Variants in ASXL2 observed in about 807,000 individuals in gnomAD.
ASXL2 encodes the protein putative Polycomb group protein ASXL2.
Under a neutral mutation model 122.0 loss-of-function variants are expected in ASXL2, and 23 were observed. That is an observed-to-expected ratio of 0.19 (90% confidence interval 0.14 to 0.27). ASXL2 has a LOEUF of 0.27. Among genes scored for constraint, ASXL2 ranks in the 10% least tolerant of loss-of-function variants. The pLI, the probability that ASXL2 is intolerant of heterozygous loss-of-function variation, is 1.00. For synonymous variants in ASXL2, 650 were observed against 637.0 expected (o/e 1.02, Z -0.31); for missense variants, 1,518 against 1,713.8 (o/e 0.89, Z 2.02).
Position 25,768,811 on chromosome 2 carries a change from T to C in ASXL2, c.562A>G (p.Ile188Val). Residue 188 changes from isoleucine to valine, a missense_variant, in exon 7 of 13, where the codon ATC becomes GTC. Coordinates refer to ENST00000435504, the MANE Select transcript of ASXL2 (RefSeq NM_018263.6). ...AGTGAGAGATGCTGGTTGGAGGAGA[T>C]GGATATGCTTGGCCTGCATTGCTGC... ...QQQQCRPSIS[I>V]SSNQHLSLKT... The C allele has an allele frequency of 3.7e-6, 6 of 1,613,882 alleles. No individual in the cohort carries two copies. The highest frequency in any genetic ancestry group is 4.2e-6 in the Non-Finnish European group (5 of 1,179,794).
intron 3 of ASXL2, chr2:25,810,068 GTCTCT>G: frequency 1.8e-6 from 1 of 552,618 alleles, no homozygotes; most frequent in Non-Finnish European, 3.6e-6. Flanking sequence ...CTCAGCACAG[GTCTCT>G]ACCTCCTTGA....
At chr2:25,849,921 T>C (rs946307586) in intron 1 of ASXL2, among the ~76,000 whole-genome samples, 4 of 152,162 alleles carry the variant, frequency 2.6e-5, no homozygotes, top group African/African-American at 9.7e-5. Context: ...GAAAGAAAAA[T>C]GTTTTTCAAT....
intron 8 of ASXL2, among the ~76,000 whole-genome samples, chr2:25,763,749 G>A (rs887117530): frequency 6.6e-5 from 10 of 152,144 alleles, no homozygotes; most frequent in Non-Finnish European, 1.5e-5. Context: ...TATGAAGTAG[G>A]TAACTATTAT....
chr2:25,797,652 T>C (rs570739731), intron 5 of ASXL2, among the ~76,000 whole-genome samples: 11 of 152,242 alleles, frequency 7.2e-5, no homozygotes, highest in African/African-American at 2.6e-4. Context: ...CCACAACATA[T>C]GTCATTAGGG....
chr2:25,801,304 A>C (rs925827220), intron 4 of ASXL2, among the ~76,000 whole-genome samples: 1 of 152,158 alleles, frequency 6.6e-6, no homozygotes, highest in Admixed American at 6.5e-5. Flanking sequence ...ATTTTCCCAC[A>C]TCGTTTTAAC....
intron 3 of ASXL2, chr2:25,822,478 G>C (rs2089324010): frequency 2.1e-6 from 1 of 477,206 alleles, no homozygotes; most frequent in Admixed American, 2.9e-5. Context: ...AATGCAGCCT[G>C]CTTCTGCAAA....
chr2:25,757,474 T>TA (rs533398416), intron 9 of ASXL2, among the ~76,000 whole-genome samples: 3,660 of 98,042 alleles, frequency 0.037, 63 homozygotes, highest in East Asian at 0.12. Flanking sequence ...CCGTCTCTAC[T>TA]AAAAAAAAAA....
intron 3 of ASXL2, chr2:25,809,979 C>T: frequency 3.8e-6 from 2 of 529,164 alleles, no homozygotes; most frequent in East Asian, 5.1e-5. Flanking sequence ...GTACAGAGTG[C>T]CCCTCTTTGG....
chr2:25,803,853 A>T (rs1377451961), intron 4 of ASXL2, among the ~76,000 whole-genome samples: 12 of 152,186 alleles, frequency 7.9e-5, no homozygotes, highest in Admixed American at 6.5e-4. Context: ...CACAGACTGG[A>T]ACTCTAATTG....
At chr2:25,799,661 AACCAG>A in intron 4 of ASXL2, 126 bp from the exon 5 acceptor site, 1 of 1,110,904 alleles carries the variant, frequency 9.0e-7, no homozygotes, top group South Asian at 1.6e-5. Flanking sequence ...TCAGTAGCAG[AACCAG>A]CAATATTTTC....
chr2:25,875,866 C>G (rs2090006033), intron 1 of ASXL2, among the ~76,000 whole-genome samples: 1 of 152,224 alleles, frequency 6.6e-6, no homozygotes, highest in East Asian at 1.9e-4. Flanking sequence ...TTATTTAGGT[C>G]AAAGTTACTT....
chr2:25,871,711 C>T (rs2089963419), intron 1 of ASXL2, among the ~76,000 whole-genome samples: 1 of 152,208 alleles, frequency 6.6e-6, no homozygotes, highest in Non-Finnish European at 1.5e-5. Context: ...CCTGCCTCAG[C>T]CTCCTGAGTA....
intron 2 of ASXL2, among the ~76,000 whole-genome samples, chr2:25,839,614 C>T (rs73922468): frequency 5.6e-5 from 6 of 106,954 alleles, no homozygotes; most frequent in South Asian, 6.7e-4. Flanking sequence ...GAAATTCTAT[C>T]TTTTTTTTTT....
At chr2:25,864,400 C>T (rs2089875351) in intron 1 of ASXL2, among the ~76,000 whole-genome samples, 3 of 151,926 alleles carry the variant, frequency 2.0e-5, no homozygotes, top group Non-Finnish European at 2.9e-5. Context: ...AATCCAGTTT[C>T]GCAAACTACA....
intron 3 of ASXL2, among the ~76,000 whole-genome samples, chr2:25,825,782 T>TAAGTATA (rs1363153671): frequency 1.3e-5 from 2 of 152,240 alleles, no homozygotes; most frequent in African/African-American, 4.8e-5. Flanking sequence ...GTCTCTGCTT[T>TAAGTATA]CGATTCTTTT....
chr2:25,772,713 G>A (rs1184069392), intron 5 of ASXL2, among the ~76,000 whole-genome samples: 10 of 88,252 alleles, frequency 1.1e-4, no homozygotes, highest in African/African-American at 4.1e-4. Flanking sequence ...TGGGCAACAA[G>A]AGCGAAACTT....
chr2:25,806,252 T>G lies in ASXL2; in HGVS notation c.229A>C (p.Arg77=). The change falls in exon 4 of 13, where the codon AGA becomes CGA. Residue 77 remains arginine, a synonymous_variant. Coordinates refer to ENST00000435504, the MANE Select transcript of ASXL2 (RefSeq NM_018263.6). The part of the protein sequence containing the change: ...EEGIFYKVPG[R]MGVYTLKKDV... ...ACCTTCAAAGTATATACTCCCATTC[T>G]ACCTGGAACCTTATAGAAGATGCCC... The G allele has an allele frequency of 6.2e-7, 1 of 1,612,102 alleles. No homozygotes were observed. Among genetic ancestry groups the G allele is most frequent in the East Asian group, 2.2e-5 (1 of 44,846 alleles).
intron 3 of ASXL2, among the ~76,000 whole-genome samples, chr2:25,823,279 A>G (rs753880432): frequency 6.6e-6 from 1 of 152,192 alleles, no homozygotes; most frequent in Admixed American, 6.5e-5. Context: ...CCTTTTCTTC[A>G]TAACATAGAT....
intron 5 of ASXL2, among the ~76,000 whole-genome samples, chr2:25,793,252 A>G (rs1005095149): frequency 1.3e-5 from 2 of 152,134 alleles, no homozygotes; most frequent in African/African-American, 4.8e-5. Flanking sequence ...TAAAATAAAT[A>G]TAACAAAACA....
Sources: gnomAD v4.1 joint callset for allele counts (sites outside exome capture counted in the v4.1 genomes callset) on GRCh38, gnomAD v4.1.1 for gene constraint, MANE v1.5 for transcripts, NCBI Gene and HGNC (gene_info 2026-07-23, HGNC 2026-07-21) for gene names.